Variants in DPP6 observed in about 807,000 individuals in gnomAD.
DPP6 encodes A-type potassium channel modulatory protein DPP6.
A neutral mutation model predicts 122.6 loss-of-function variants in DPP6; 69 were observed. The ratio of observed to expected loss-of-function variants is 0.56; its 90% CI spans 0.46 to 0.69. The LOEUF is 0.69. DPP6 is among the 30% of genes least tolerant of loss of function. DPP6 has a pLI of 0.00. For synonymous variants in DPP6, 418 were observed against 433.1 expected, an observed-to-expected ratio of 0.97 and a Z score of 0.43; for missense variants, 928 against 1,116.9, an observed-to-expected ratio of 0.83 and a Z score of 2.41.
chr7:153,992,648 G>C (rs56079668), intron 1 of DPP6, among the ~76,000 whole-genome samples: 132,639 of 151,804 alleles, frequency 0.87, 57,715 homozygotes, highest in African/African-American at 0.89. Flanking sequence ...TCAATTCCAG[G>C]CTATCAGATG....
intron 1 of DPP6, among the ~76,000 whole-genome samples, chr7:154,226,755 A>G (rs1050716058): frequency 1.9e-4 from 29 of 152,118 alleles, no homozygotes; most frequent in African/African-American, 6.8e-4. Context: ...AGAGAGGAAT[A>G]ATTATTTGCT....
chr7:154,728,154 G>A (rs571567325), intron 8 of DPP6, among the ~76,000 whole-genome samples: 23 of 152,318 alleles, frequency 1.5e-4, no homozygotes, highest in Admixed American at 3.9e-4. Flanking sequence ...GCAGAGCTCT[G>A]CAATTCATCC....
chr7:154,803,457 C>G (rs544465086), intron 13 of DPP6, among the ~76,000 whole-genome samples: 2 of 152,314 alleles, frequency 1.3e-5, no homozygotes, highest in East Asian at 3.9e-4. Flanking sequence ...TTCCCTCCAC[C>G]TCCCGGCATT....
At chr7:154,380,256 A>C (rs531669230) in intron 1 of DPP6, among the ~76,000 whole-genome samples, 1 of 152,214 alleles carries the variant, frequency 6.6e-6, no homozygotes, top group East Asian at 1.9e-4. Context: ...TGTTAGAATA[A>C]AAGAAGGTCC....
chr7:153,885,543 C>T (rs549359496), upstream of DPP6, among the ~76,000 whole-genome samples: 26 of 152,258 alleles, frequency 1.7e-4, no homozygotes, highest in African/African-American at 6.0e-4. Flanking sequence ...TCTCACCACA[C>T]AAAGCATCTG....
intron 1 of DPP6, among the ~76,000 whole-genome samples, chr7:153,983,704 G>T (rs527725491): frequency 1.3e-5 from 2 of 152,072 alleles, no homozygotes; most frequent in East Asian, 1.9e-4. Context: ...CTCCTGGTCT[G>T]TGGGTTGTGA....
chr7:154,582,205 C>G (rs1832119865), intron 5 of DPP6, among the ~76,000 whole-genome samples: 1 of 152,226 alleles, frequency 6.6e-6, no homozygotes, highest in African/African-American at 2.4e-5. Context: ...TGTAGTGATC[C>G]TGGCAAAACC....
rs564950484 is a variant in DPP6 at position 154,863,408 on chromosome 7, T to A, written c.1715-4587T>A. 1.1e-3 allele frequency among the ~76,000 whole-genome samples: 168 copies of A among 149,468 alleles called. No individual in the cohort carries two copies. The highest frequency in any genetic ancestry group is 3.9e-3 in the African/African-American group (159 of 40,580). ...CCTAGGCTCAAGGGGAGTGGTGCAATCACAGCTCAAGCTATCCTCCCACTG... is the reference window on the plus strand; with the variant it reads ...CCTAGGCTCAAGGGGAGTGGTGCAAACACAGCTCAAGCTATCCTCCCACTG... On this transcript the variant is annotated intron_variant, in intron 17 of 25. Transcript: ENST00000377770. This position sits in a 1 kb window ranked among gnomAD's most constrained non-coding sequence, Gnocchi z 4.1.
intron 1 of DPP6, among the ~76,000 whole-genome samples, chr7:154,246,967 A>T (rs977699014): frequency 6.6e-6 from 1 of 152,250 alleles, no homozygotes; most frequent in Non-Finnish European, 1.5e-5. Flanking sequence ...AAATTGATCA[A>T]TTGGACTTTA....
the DPP6 span, among the ~76,000 whole-genome samples, chr7:153,764,181 G>A: frequency 2.0e-5 from 3 of 152,122 alleles, no homozygotes; most frequent in Non-Finnish European, 2.9e-5. Flanking sequence ...ATTAGCTTCA[G>A]GATTCATTCA....
chr7:154,796,138 G>C, intron 12 of DPP6: 1 of 497,552 alleles, frequency 2.0e-6, no homozygotes, highest in South Asian at 4.4e-5. Flanking sequence ...GGAATGTTTG[G>C]TGAGACCTCA....
At chr7:154,787,823 T>C (rs1352370208) in intron 10 of DPP6, among the ~76,000 whole-genome samples, 1 of 152,198 alleles carries the variant, frequency 6.6e-6, no homozygotes, top group Non-Finnish European at 1.5e-5. Context: ...CTTTACCATG[T>C]CTTTTCTCTT....
chr7:154,847,342 T>C (rs1397184964), intron 16 of DPP6, among the ~76,000 whole-genome samples: 1 of 152,228 alleles, frequency 6.6e-6, no homozygotes, highest in Admixed American at 6.5e-5. Context: ...CTTTTAAATA[T>C]GCAGAGAAAT....
chr7:154,052,953 G>A lies in DPP6; in HGVS notation c.133G>A (p.Gly45Ser). 9.3e-6 allele frequency: 11 copies of A among 1,178,738 alleles called. No individual in the cohort carries two copies. The highest frequency in any genetic ancestry group is 3.4e-4 in the Middle Eastern group (1 of 2,984). 73.0% of individuals were successfully genotyped at this position (1,178,738 alleles called of 1,614,324 possible). ...EDGGAGAKPL[G>S]PRAQAAAPRE... ...CGGCGGCGCAGGAGCCAAGCCCCTC[G>A]GCCCGCGGGCGCAGGCGGCGGCGCC... The change falls in exon 1 of 26, where the codon GGC becomes AGC. Residue 45 changes from glycine to serine, a missense_variant. Physicochemically the swap from Gly to Ser is moderately conservative, Grantham distance 56 (BLOSUM62 0). Transcript: ENST00000377770. The surrounding 1 kb of genome is among the most constrained non-coding windows in gnomAD (Gnocchi z 4.8).
intron 1 of DPP6, among the ~76,000 whole-genome samples, chr7:153,940,421 C>T (rs1341818942): frequency 2.0e-5 from 3 of 152,088 alleles, no homozygotes; most frequent in African/African-American, 7.2e-5. Context: ...GCAATATTGT[C>T]TCAACAATAG....
At chr7:154,854,951 G>A (rs1156588679) in intron 17 of DPP6, among the ~76,000 whole-genome samples, 1 of 152,058 alleles carries the variant, frequency 6.6e-6, no homozygotes, top group South Asian at 2.1e-4. Flanking sequence ...CCTGGCAGGA[G>A]GGCAAACTTC....
chr7:154,804,168 A>G (rs1267949798), intron 14 of DPP6, among the ~76,000 whole-genome samples: 1 of 152,212 alleles, frequency 6.6e-6, no homozygotes, highest in Non-Finnish European at 1.5e-5. Flanking sequence ...TGAGGACGCA[A>G]TTAGGCTTGC....
intron 1 of DPP6, among the ~76,000 whole-genome samples, chr7:153,971,374 C>G (rs1796006748): frequency 6.6e-6 from 1 of 151,204 alleles, no homozygotes; most frequent in Admixed American, 6.6e-5. Context: ...ATCTGCAAAT[C>G]AAGCCAGTTT....
intron 1 of DPP6, among the ~76,000 whole-genome samples, chr7:153,978,071 T>C (rs1220030715): frequency 6.6e-6 from 1 of 152,228 alleles, no homozygotes; most frequent in African/African-American, 2.4e-5. Flanking sequence ...ATATACCCAG[T>C]AATGGGATTG....
Sources: allele counts gnomAD v4.1 joint callset (sites outside exome capture counted in the v4.1 genomes callset), GRCh38; gene constraint gnomAD v4.1.1; non-coding constraint Gnocchi (gnomAD v3.1); transcripts MANE v1.5; gene names NCBI Gene and HGNC (gene_info 2026-07-23, HGNC 2026-07-21).